Variants in NCAPD3 observed in about 807,000 individuals in gnomAD.
NCAPD3 encodes the protein non-SMC condensin II complex subunit D3.
In NCAPD3, 105 loss-of-function variants were observed where a neutral mutation model predicts 182.9. The ratio of observed to expected loss-of-function variants is 0.57; its 90% confidence interval spans 0.49 to 0.68. The LOEUF (loss-of-function observed/expected upper bound fraction) is 0.68, where lower values mean the gene tolerates loss of function less well. Ranked by LOEUF, NCAPD3 falls within the 30% of genes least tolerant of loss-of-function variation. The probability of loss-of-function intolerance (pLI) is 0.00; values close to 1 mark genes in which losing one functional copy is unlikely to be tolerated. For synonymous variants in NCAPD3, 815 were observed against 679.9 expected, an observed-to-expected ratio of 1.20 and a Z score of -3.09; for missense variants, 1,944 against 1,837.0, an observed-to-expected ratio of 1.06 and a Z score of -1.07.
At chr11:134,199,180 G>C (rs899049504) in intron 13 of NCAPD3, among the ~76,000 whole-genome samples, 1 of 152,122 alleles carries the variant, frequency 6.6e-6, no homozygotes, top group Non-Finnish European at 1.5e-5. Flanking sequence ...CATACTTCCT[G>C]ATTTAAAATT....
At position 134,152,695 on chromosome 11, in the gene NCAPD3, G is replaced by A; in HGVS notation, c.*249C>T. ...GCTTGACACTTTCAAATGGAATAAA[G>A]TTACAATATTAAACAGATTAGGGTA... On this transcript the variant is annotated 3_prime_UTR_variant, in exon 35 of 35. Coordinates refer to ENST00000534548, the MANE Select transcript of NCAPD3 (RefSeq NM_015261.3). The A allele has an allele frequency of 2.6e-6, 1 of 384,444 alleles. No individual in the cohort carries two copies. The highest frequency in any genetic ancestry group is 4.6e-6 in the Non-Finnish European group (1 of 216,694). 23.8% of individuals were successfully genotyped at this position (384,444 alleles called of 1,614,324 possible). A position where few individuals can be genotyped will look rare whatever the true frequency, so the allele number is the denominator to read the frequency against.
chr11:134,212,878 C>T (rs749702860), intron 3 of NCAPD3, among the ~76,000 whole-genome samples: 1 of 151,814 alleles, frequency 6.6e-6, no homozygotes, highest in Non-Finnish European at 1.5e-5. Flanking sequence ...CAAAACAAGG[C>T]AGGAAGAGGA....
At chr11:134,198,090 C>A (rs902233598) in intron 13 of NCAPD3, among the ~76,000 whole-genome samples, 2 of 152,202 alleles carry the variant, frequency 1.3e-5, no homozygotes, top group African/African-American at 4.8e-5. Flanking sequence ...CCAGGGCACT[C>A]TAAAATTTAA....
chr11:134,196,228 AAATT>A (rs1944625319), intron 13 of NCAPD3, among the ~76,000 whole-genome samples: 1 of 152,248 alleles, frequency 6.6e-6, no homozygotes, highest in African/African-American at 2.4e-5. Flanking sequence ...TTATGCCAAC[AAATT>A]AAGTAGCCTA....
At chr11:134,163,968 G>A (rs77093306) in intron 27 of NCAPD3, among the ~76,000 whole-genome samples, 2,051 of 152,168 alleles carry the variant, frequency 0.013, 19 homozygotes, top group Non-Finnish European at 0.019. Flanking sequence ...AACAGAAAGG[G>A]TGGTAAGGAA....
intron 2 of NCAPD3, among the ~76,000 whole-genome samples, chr11:134,218,938 T>C (rs950798158): frequency 1.3e-5 from 2 of 152,200 alleles, no homozygotes; most frequent in South Asian, 2.1e-4. Flanking sequence ...TATTGCCCAC[T>C]GTAACCTCTT....
At position 134,166,811 on chromosome 11, in the gene NCAPD3, C is replaced by G. The variant is rs376896183; in HGVS notation, c.3573+1185G>C. Among the ~76,000 whole-genome samples, 13 of 84,614 alleles carry G rather than the reference C, an allele frequency of 1.5e-4. No individual in the cohort carries two copies. The East Asian group carries it at 3.1e-3, about 20-fold the overall frequency. The allele number at this position is 84,614 out of a possible 152,430, so 55.5% of individuals were successfully genotyped here. On this transcript the variant is annotated intron_variant, in intron 27 of 34. Coordinates refer to ENST00000534548, the MANE Select transcript of NCAPD3 (RefSeq NM_015261.3). ...CACTCGTGAGAGGAGCTTAGGGGAG[C>G]TGCACACTCACTTGTGAGATGAGCT...
intron 13 of NCAPD3, among the ~76,000 whole-genome samples, chr11:134,197,344 T>C (rs1322903492): frequency 1.3e-5 from 2 of 149,216 alleles, no homozygotes; most frequent in Admixed American, 1.4e-4. Flanking sequence ...TCGCATGATA[T>C]TGGCTCACTG....
intron 29 of NCAPD3, among the ~76,000 whole-genome samples, chr11:134,159,622 C>A (rs1300261923): frequency 6.6e-6 from 1 of 152,214 alleles, no homozygotes; most frequent in Non-Finnish European, 1.5e-5. Flanking sequence ...CACTGACACA[C>A]CCTGGCAGAC....
chr11:134,187,866 A>G (rs1304154899), intron 16 of NCAPD3, among the ~76,000 whole-genome samples: 1 of 152,224 alleles, frequency 6.6e-6, no homozygotes, highest in Non-Finnish European at 1.5e-5. Flanking sequence ...TGGAAAATGA[A>G]GTCCTCAAAA....
chr11:134,176,292 G>A lies in NCAPD3; in HGVS notation c.3101+15C>T, dbSNP rs754250404. Reference sequence around the variant, plus strand: ...GGTAAACTGTTGAGTCGTCTGACGTGAGGAAAAGATTTACCTGGCAATGTC... The same window carrying A: ...GGTAAACTGTTGAGTCGTCTGACGTAAGGAAAAGATTTACCTGGCAATGTC... On this transcript the variant is annotated intron_variant, in intron 24 of 34. Transcript: ENST00000534548. 1.2e-6 allele frequency: 2 copies of A among 1,609,016 alleles called. No homozygotes were observed. The highest frequency in any genetic ancestry group is 8.5e-7 in the Non-Finnish European group (1 of 1,175,440).
At chr11:134,193,728 T>C (rs375869943) in intron 15 of NCAPD3, among the ~76,000 whole-genome samples, 4 of 152,340 alleles carry the variant, frequency 2.6e-5, no homozygotes, top group South Asian at 4.1e-4. Context: ...ACTCTAAGCC[T>C]GAGAAACAGA....
intron 7 of NCAPD3, among the ~76,000 whole-genome samples, chr11:134,208,333 C>A (rs991524510): frequency 6.6e-6 from 1 of 152,164 alleles, no homozygotes; most frequent in South Asian, 2.1e-4. Context: ...GTAGTAGTGG[C>A]GTTCAGGTAA....
At chr11:134,214,869 A>C (rs1263609891) in intron 3 of NCAPD3, among the ~76,000 whole-genome samples, 4 of 152,226 alleles carry the variant, frequency 2.6e-5, no homozygotes, top group African/African-American at 7.2e-5. Flanking sequence ...AACTTATTCT[A>C]TGAAAATGGT....
chr11:134,153,511 G>A, intron 32 of NCAPD3, 148 bp from the exon 33 acceptor site: 2 of 788,454 alleles, frequency 2.5e-6, no homozygotes, highest in Non-Finnish European at 4.4e-6. Flanking sequence ...CCCAGGGCCT[G>A]GCAGTGTTGA....
intron 23 of NCAPD3, 32 bp from the exon 24 acceptor site, chr11:134,176,418 TGC>T: frequency 1.3e-6 from 2 of 1,583,762 alleles, no homozygotes; most frequent in Non-Finnish European, 1.7e-6. Flanking sequence ...TGTTTCAGAG[TGC>T]GTCATCATGG....
At position 134,185,136 on chromosome 11, in the gene NCAPD3, TCAAGGCATTTAATGTA is replaced by T. The variant is rs1326666006; in HGVS notation, c.2238-152_2238-137del. 5 of 877,352 alleles carry T rather than the reference TCAAGGCATTTAATGTA, an allele frequency of 5.7e-6. No individual in the cohort carries two copies. In the African/African-American group the frequency reaches 8.4e-5, roughly 15 times the overall value. 54.3% of individuals were successfully genotyped at this position (877,352 alleles called of 1,614,324 possible). A position where few individuals can be genotyped will look rare whatever the true frequency, so the allele number is the denominator to read the frequency against. ...GCTTAGGAGTCAAGCTGTGGGAACA[TCAAGGCATTTAATGTA>T]CTTGGACAAAGGGGAAATGGGTGAA... On this transcript the variant is annotated intron_variant, in intron 17 of 34. Transcript: ENST00000534548.
intron 13 of NCAPD3, among the ~76,000 whole-genome samples, chr11:134,199,762 TTGTTATGGGGATCCA>T (rs1944709571): frequency 5.9e-5 from 9 of 152,356 alleles, no homozygotes; most frequent in African/African-American, 2.2e-4. Context: ...CTTGTTTGTC[TTGTTATGGGGATCCA>T]TCCCGAGGAA....
At chr11:134,167,705 T>A (rs1481905208) in intron 27 of NCAPD3, among the ~76,000 whole-genome samples, 1 of 110,678 alleles carries the variant, frequency 9.0e-6, no homozygotes, top group Non-Finnish European at 1.8e-5. Context: ...CACTCACTAG[T>A]GAGGTGAGCT....
Sources: allele counts gnomAD v4.1 joint callset (sites outside exome capture counted in the v4.1 genomes callset), GRCh38; gene constraint gnomAD v4.1.1; transcripts MANE v1.5; gene names NCBI Gene and HGNC (gene_info 2026-07-23, HGNC 2026-07-21).